NAV2: variants seen among roughly 807,000 people sequenced by gnomAD.
NAV2 encodes neuron navigator 2.
In NAV2, 54 loss-of-function variants were observed where a neutral mutation model predicts 223.2. That is an observed-to-expected ratio of 0.24 (90% confidence interval 0.19 to 0.30). The LOEUF (loss-of-function observed/expected upper bound fraction) is 0.30. NAV2 is among the 10% of genes least tolerant of loss of function. The pLI is 1.00. For synonymous variants in NAV2, 1,279 were observed against 1,239.3 expected (o/e 1.03, Z -0.67); for missense variants, 2,806 against 3,147.5 (o/e 0.89, Z 2.60).
At position 19,360,264 on chromosome 11, in the gene NAV2, T is replaced by G. The variant is rs979970565; in HGVS notation, c.75+9237T>G. The stretch of plus-strand genomic sequence containing the variant: ...TGATCAAATTCCTCATTCCCCACCT[T>G]TGATGTATGTGTCCTTGACCTGTCT... On this transcript the variant is annotated intron_variant, in intron 1 of 37. Transcript: ENST00000360655. Among the ~76,000 whole-genome samples the G allele has an allele frequency of 2.6e-5, 4 of 152,166 alleles. No homozygotes were observed. In the East Asian group the frequency reaches 7.7e-4, roughly 29 times the overall value.
intron 1 of NAV2, among the ~76,000 whole-genome samples, chr11:19,371,515 T>A (rs1848469026): frequency 6.6e-6 from 1 of 152,244 alleles, no homozygotes; most frequent in African/African-American, 2.4e-5. Flanking sequence ...TACTGAGTGC[T>A]TACCAGGGAT....
chr11:19,883,014 G>T lies in NAV2; in HGVS notation c.770+2887G>T, dbSNP rs2625301. 1.3e-3 allele frequency among the ~76,000 whole-genome samples: 191 copies of T among 152,174 alleles called. 4 individuals carry two copies. The East Asian group carries it at 0.03, about 24-fold the overall frequency. On this transcript the variant is annotated intron_variant, in intron 5 of 37. Transcript: ENST00000349880. The stretch of plus-strand genomic sequence containing the variant: ...TTAAGAATGATAAAATTACATCAGT[G>T]GCTCGGTCTCCAAATTCTATCTTTG...
At chr11:19,588,149 T>C (rs977068801) in intron 1 of NAV2, among the ~76,000 whole-genome samples, 1 of 152,228 alleles carries the variant, frequency 6.6e-6, no homozygotes, top group Non-Finnish European at 1.5e-5. Context: ...GCCAAATTCC[T>C]GGTCAACTAT....
intron 1 of NAV2, among the ~76,000 whole-genome samples, chr11:19,399,596 C>A (rs1185320145): frequency 6.6e-6 from 1 of 152,176 alleles, no homozygotes; most frequent in Non-Finnish European, 1.5e-5. Context: ...CCCCCTCATG[C>A]CCTCAGTACT....
At chr11:19,914,848 G>T (rs913337761) in intron 6 of NAV2, among the ~76,000 whole-genome samples, 2 of 152,194 alleles carry the variant, frequency 1.3e-5, no homozygotes, top group Non-Finnish European at 2.9e-5. Context: ...CCGGCCTGTT[G>T]TTCCTGTTCT....
rs747372178 is a variant in NAV2, at chr11:20,100,961, C to T, written c.6206C>T (p.Ser2069Leu). 1.4e-5 allele frequency: 22 copies of T among 1,614,006 alleles called. No homozygotes were observed. In the South Asian group the frequency reaches 2.4e-4, roughly 18 times the overall value. Residue 2069 changes from serine (S) to leucine (L), a missense_variant, in exon 32 of 38, where the codon TCA becomes TTA. Transcript: ENST00000349880. ...VKGLAENSLD[S>L]LVFESLIPKP... Reference sequence around the variant, plus strand: ...GGGCTCGCAGAAAACAGCCTGGACTCACTGGTGTTTGAGTCCTTGATTCCC... The same window carrying T: ...GGGCTCGCAGAAAACAGCCTGGACTTACTGGTGTTTGAGTCCTTGATTCCC...
chr11:19,503,139 C>T (rs2043011880), intron 1 of NAV2: 1 of 152,098 alleles, frequency 6.6e-6, no homozygotes, highest in Non-Finnish European at 1.5e-5. Flanking sequence ...TTTGAATAGA[C>T]CTCTTTTTAG....
intron 1 of NAV2, among the ~76,000 whole-genome samples, chr11:19,389,379 A>C (rs1164497336): frequency 6.6e-6 from 1 of 152,250 alleles, no homozygotes; most frequent in Non-Finnish European, 1.5e-5. Flanking sequence ...GCTAAGTTGC[A>C]TATTGGAAGC....
chr11:20,022,814 G>A, intron 11 of NAV2: 1 of 1,255,666 alleles, frequency 8.0e-7, no homozygotes, highest in South Asian at 3.1e-5. Flanking sequence ...TTCAGAGTTT[G>A]GTGTTAGCTT....
chr11:19,935,103 A>G (rs1269257929), intron 7 of NAV2, among the ~76,000 whole-genome samples: 2 of 152,142 alleles, frequency 1.3e-5, no homozygotes, highest in South Asian at 2.1e-4. Context: ...GGATGAGTCC[A>G]CTCCAGGCAG....
intron 1 of NAV2, among the ~76,000 whole-genome samples, chr11:19,640,939 A>AT (rs1446886968): frequency 6.6e-6 from 1 of 152,168 alleles, no homozygotes. Flanking sequence ...CATTAGCGCT[A>AT]TACTTCCCCA....
rs189858571 is a variant in NAV2, at chr11:19,621,429, C to T, written c.76-211055C>T. 1.5e-3 allele frequency among the ~76,000 whole-genome samples: 227 copies of T among 152,284 alleles called. 1 individual carries two copies. The Middle Eastern group carries it at 0.02, about 14-fold the overall frequency. On this transcript the variant is annotated intron_variant, in intron 1 of 37. Coordinates refer to the NAV2 transcript ENST00000360655. ...AAGCTAGTAATTATTGCCTCAATTT[C>T]GGAGCCTGTTATTGGTCTATTCAGA...
chr11:19,659,426 T>A (rs999471931), intron 1 of NAV2, among the ~76,000 whole-genome samples: 2 of 152,120 alleles, frequency 1.3e-5, no homozygotes, highest in Non-Finnish European at 2.9e-5. Context: ...AGAAGGGTCT[T>A]AAGTGGGAGT....
intron 3 of NAV2, among the ~76,000 whole-genome samples, chr11:19,867,992 G>C (rs2062199147): frequency 6.6e-6 from 1 of 152,154 alleles, no homozygotes; most frequent in Admixed American, 6.5e-5. Flanking sequence ...TGTATACTGT[G>C]GAAGGCAATC....
intron 1 of NAV2, among the ~76,000 whole-genome samples, chr11:19,378,566 ACAG>A (rs1013106338): frequency 1.3e-5 from 2 of 148,406 alleles, no homozygotes; most frequent in African/African-American, 2.5e-5. Flanking sequence ...GGTCGTGATA[ACAG>A]CATCTCCTTC....
chr11:20,110,774 T>C (rs1411091104), intron 36 of NAV2, among the ~76,000 whole-genome samples: 1 of 152,192 alleles, frequency 6.6e-6, no homozygotes, highest in Non-Finnish European at 1.5e-5. Context: ...TTGTGTTACT[T>C]TGAGTCCACA....
chr11:19,937,356 C>CT (rs1018362424), intron 7 of NAV2, among the ~76,000 whole-genome samples: 6 of 150,166 alleles, frequency 4.0e-5, no homozygotes, highest in African/African-American at 1.5e-4. Flanking sequence ...ATTGCTCCCC[C>CT]CCCGCCCACC....
intron 6 of NAV2, among the ~76,000 whole-genome samples, chr11:19,919,382 A>G (rs1282605129): frequency 6.6e-6 from 1 of 151,926 alleles, no homozygotes; most frequent in African/African-American, 2.4e-5. Context: ...GAAACAGAGT[A>G]GATGTTGCCA....
intron 1 of NAV2, among the ~76,000 whole-genome samples, chr11:19,718,802 C>A (rs2050521873): frequency 6.6e-6 from 1 of 152,084 alleles, no homozygotes; most frequent in South Asian, 2.1e-4. Context: ...GTGTATATAT[C>A]TGTATATAAA....
Sources: allele counts gnomAD v4.1 joint callset (sites outside exome capture counted in the v4.1 genomes callset), GRCh38; gene constraint gnomAD v4.1.1; transcripts MANE v1.5; gene names NCBI Gene and HGNC (gene_info 2026-07-23, HGNC 2026-07-21).